The following SLC14A2 variants were observed in gnomAD, a reference collection of about 807,000 sequenced individuals.
The protein encoded by SLC14A2 is solute carrier family 14 member 2.
A neutral mutation model predicts 104.6 loss-of-function variants in SLC14A2; 91 were observed. That is an observed-to-expected ratio of 0.87 (90% CI 0.73 to 1.04). SLC14A2 has a LOEUF of 1.04. Among genes scored for constraint, SLC14A2 ranks in the 50% least tolerant of loss-of-function variants. The pLI is 0.00. For missense variants in SLC14A2, 1,189 were observed against 1,156.0 expected (o/e 1.03, Z -0.41); for synonymous variants, 476 against 466.4 (o/e 1.02, Z -0.27).
Position 45,475,320 on chromosome 18 carries a change from TGTG to T in SLC14A2, c.-124-7909_-124-7907del, listed in dbSNP as rs537219516. On this transcript the variant is annotated intron_variant, in intron 1 of 20. Coordinates refer to the SLC14A2 transcript ENST00000586448. The stretch of plus-strand genomic sequence containing the variant: ...GTGGTCAATTTTAGAATAAGTGCGA[TGTG>T]GTGTTGAGAAGAATGTATATTCTGT... Among the ~76,000 whole-genome samples the T allele has an allele frequency of 3.1e-3, 468 of 152,124 alleles. 1 individual carries two copies. Among genetic ancestry groups the T allele is most frequent in the Middle Eastern group, 0.017 (5 of 294 alleles).
chr18:45,544,454 G>A (rs991623267), intron 2 of SLC14A2, among the ~76,000 whole-genome samples: 1 of 152,042 alleles, frequency 6.6e-6, no homozygotes, highest in Non-Finnish European at 1.5e-5. Context: ...ATTCTTGTTT[G>A]TTCCTGATGT....
intron 10 of SLC14A2, among the ~76,000 whole-genome samples, chr18:45,648,798 GT>G (rs1321623938): frequency 6.6e-6 from 1 of 150,608 alleles, no homozygotes; most frequent in Non-Finnish European, 1.5e-5. Context: ...TTGCTTTTTT[GT>G]TTTTTCATTG....
At chr18:45,202,694 A>C in the SLC14A2 span, among the ~76,000 whole-genome samples, 2 of 152,126 alleles carry the variant, frequency 1.3e-5, no homozygotes, top group South Asian at 4.1e-4. Flanking sequence ...AGGGGATCAG[A>C]TTCTATGGGA....
intron 1 of SLC14A2, among the ~76,000 whole-genome samples, chr18:45,366,738 CTCT>C (rs1414334438): frequency 1.3e-5 from 2 of 152,196 alleles, no homozygotes; most frequent in Non-Finnish European, 2.9e-5. Context: ...TGGAGTATGT[CTCT>C]CACAATTGAG....
intron 2 of SLC14A2, among the ~76,000 whole-genome samples, chr18:45,530,746 C>T (rs1598967020): frequency 6.6e-6 from 1 of 151,930 alleles, no homozygotes; most frequent in Non-Finnish European, 1.5e-5. Flanking sequence ...ATGTGCACAA[C>T]ATGCAGGTTT....
intron 2 of SLC14A2, among the ~76,000 whole-genome samples, chr18:45,513,389 G>C (rs952197212): frequency 6.6e-6 from 1 of 152,122 alleles, no homozygotes; most frequent in Non-Finnish European, 1.5e-5. Flanking sequence ...TTCCAGCATC[G>C]TTGTATTGAT....
chr18:45,593,741 G>A (rs778377618), intron 2 of SLC14A2, among the ~76,000 whole-genome samples: 1 of 151,880 alleles, frequency 6.6e-6, no homozygotes, highest in Non-Finnish European at 1.5e-5. Context: ...CGTCCACCTC[G>A]GCCTCCCAAA....
At chr18:45,533,965 T>A (rs1157220759) in intron 2 of SLC14A2, among the ~76,000 whole-genome samples, 1 of 151,978 alleles carries the variant, frequency 6.6e-6, no homozygotes, top group African/African-American at 2.4e-5. Context: ...AGAACCCAAA[T>A]CACGAAGAAT....
At chr18:45,244,770 G>A (rs906032940) in intron 1 of SLC14A2, among the ~76,000 whole-genome samples, 10 of 152,120 alleles carry the variant, frequency 6.6e-5, no homozygotes, top group African/African-American at 2.2e-4. Flanking sequence ...TAAGGTACAG[G>A]GAAGTTATGG....
At chr18:45,328,088 A>AT (rs1192030627) in intron 1 of SLC14A2, among the ~76,000 whole-genome samples, 3 of 152,176 alleles carry the variant, frequency 2.0e-5, no homozygotes, top group African/African-American at 7.2e-5. Context: ...AGAAAAAAAA[A>AT]TGTTGTTCCA....
the SLC14A2 span, among the ~76,000 whole-genome samples, chr18:45,184,220 G>A: frequency 6.6e-6 from 1 of 152,016 alleles, no homozygotes. Context: ...CACTGCTATT[G>A]TGTTTATCTG....
chr18:45,391,375 G>T lies in SLC14A2; in HGVS notation c.-124-91858G>T, dbSNP rs933362254. On this transcript the variant is annotated intron_variant, in intron 1 of 20. Transcript: ENST00000586448. Reference sequence around the variant, plus strand: ...AGTCTTTGCTATTGTGAATAGTGCCGCAATAAACATACGTATGCATGTGTC... The same window carrying T: ...AGTCTTTGCTATTGTGAATAGTGCCTCAATAAACATACGTATGCATGTGTC... Among the ~76,000 whole-genome samples the T allele has an allele frequency of 2.6e-5, 4 of 152,150 alleles. No homozygotes were observed. In the South Asian group the frequency reaches 8.3e-4, roughly 32 times the overall value.
intron 2 of SLC14A2, among the ~76,000 whole-genome samples, chr18:45,526,572 C>T (rs1264951521): frequency 6.6e-6 from 1 of 152,034 alleles, no homozygotes; most frequent in East Asian, 1.9e-4. Flanking sequence ...AACAGTAGGG[C>T]CAAGCTATTG....
At chr18:45,261,322 G>C (rs1204890885) in intron 1 of SLC14A2, among the ~76,000 whole-genome samples, 3 of 151,756 alleles carry the variant, frequency 2.0e-5, no homozygotes, top group African/African-American at 7.3e-5. Context: ...CTTCATCCAT[G>C]TCCCTACAAA....
rs1475875701 is a variant in SLC14A2, at chr18:45,499,031, C to T, written c.-35+15709C>T. Among the ~76,000 whole-genome samples the T allele has an allele frequency of 3.9e-5, 6 of 152,204 alleles. No homozygotes were observed. In the East Asian group the frequency reaches 5.8e-4, roughly 15 times the overall value. On this transcript the variant is annotated intron_variant, in intron 2 of 20. Transcript: ENST00000586448. ...TAAAACTTTCACCTCATTTGGCCTG[C>T]ATGACTCTGTCCCCTTGGTCTTCTC... is the stretch of plus-strand genomic sequence containing the variant.
chr18:45,192,897 C>T, the SLC14A2 span, among the ~76,000 whole-genome samples: 1 of 152,004 alleles, frequency 6.6e-6, no homozygotes, highest in East Asian at 1.9e-4. Flanking sequence ...ACCTCGTTAT[C>T]CATCACCCTG....
intron 1 of SLC14A2, among the ~76,000 whole-genome samples, chr18:45,232,465 A>T (rs1356241472): frequency 6.6e-6 from 1 of 152,238 alleles, no homozygotes; most frequent in African/African-American, 2.4e-5. Flanking sequence ...GGACACAGAG[A>T]CAAGCCATAT....
At chr18:45,248,031 C>CA (rs1458061712) in intron 1 of SLC14A2, among the ~76,000 whole-genome samples, 3 of 151,756 alleles carry the variant, frequency 2.0e-5, no homozygotes, top group Non-Finnish European at 4.4e-5. Flanking sequence ...CAGTAGGGAG[C>CA]AAAAAAACCC....
chr18:45,355,153 G>A (rs1282330154), intron 1 of SLC14A2, among the ~76,000 whole-genome samples: 1 of 152,026 alleles, frequency 6.6e-6, no homozygotes, highest in African/African-American at 2.4e-5. Flanking sequence ...TGTGAAATGG[G>A]GACAATCATA....
Sources: allele counts gnomAD v4.1 joint callset (sites outside exome capture counted in the v4.1 genomes callset), GRCh38; gene constraint gnomAD v4.1.1; transcripts MANE v1.5; gene names NCBI Gene and HGNC (gene_info 2026-07-23, HGNC 2026-07-21).